Variants in RBFOX1 observed in about 807,000 individuals in gnomAD.
RBFOX1 encodes the protein RNA binding protein fox-1 homolog 1.
Under a neutral mutation model 57.7 loss-of-function variants are expected in RBFOX1, and 8 were observed. The ratio of observed to expected loss-of-function variants is 0.14; its 90% confidence interval spans 0.08 to 0.25. The LOEUF (loss-of-function observed/expected upper bound fraction) is 0.25. Among genes scored for constraint, RBFOX1 ranks in the 10% least tolerant of loss-of-function variants. RBFOX1 has a pLI of 1.00. For missense variants in RBFOX1, 611 were observed against 548.5 expected, an observed-to-expected ratio of 1.11 and a Z score of -1.14; for synonymous variants, 326 against 222.4, an observed-to-expected ratio of 1.47 and a Z score of -4.15.
Position 6,019,593 on chromosome 16 carries a change from A to C in RBFOX1, c.-526A>C, listed in dbSNP as rs1596418544. ...ACCCACGCGCGCGCCTCCGGGGCTG[A>C]AGAAGGAAGGAGTGAGCCGAGCCGA... is the stretch of plus-strand genomic sequence containing the variant. On this transcript the variant is annotated 5_prime_UTR_variant, in exon 1 of 16. Coordinates refer to ENST00000550418, the MANE Select transcript of RBFOX1 (RefSeq NM_018723.4). This position sits in a 1 kb window ranked among gnomAD's most constrained non-coding sequence, Gnocchi z 4.2. 8.3e-7 allele frequency: 1 copy of C among 1,199,642 alleles called. No homozygotes were observed. The highest frequency in any genetic ancestry group is 1.0e-6 in the Non-Finnish European group (1 of 966,988). The allele number at this position is 1,199,642 out of a possible 1,614,324, so 74.3% of individuals were successfully genotyped here. A position where few individuals can be genotyped will look rare whatever the true frequency, so the allele number is the denominator to read the frequency against.
intron 4 of RBFOX1, among the ~76,000 whole-genome samples, chr16:7,503,106 T>C (rs4787038): frequency 0.028 from 4,328 of 152,246 alleles, 218 homozygotes; most frequent in African/African-American, 0.099. Context: ...ATCTAGAATG[T>C]TTATTTTTCT....
chr16:7,044,526 A>C (rs989228565), intron 3 of RBFOX1, among the ~76,000 whole-genome samples: 1 of 152,200 alleles, frequency 6.6e-6, no homozygotes, highest in African/African-American at 2.4e-5. Context: ...AAAGGGTCTC[A>C]TGCTGAAGTT....
intron 4 of RBFOX1, among the ~76,000 whole-genome samples, chr16:7,278,621 C>G (rs989936385): frequency 1.3e-5 from 2 of 152,184 alleles, no homozygotes; most frequent in African/African-American, 4.8e-5. Context: ...ATCCTACATT[C>G]TCTATAACCA....
intron 4 of RBFOX1, among the ~76,000 whole-genome samples, chr16:5,999,815 C>T (rs749476585): frequency 2.9e-5 from 3 of 102,374 alleles, no homozygotes; most frequent in East Asian, 8.3e-4. Context: ...GAGCAGAGAT[C>T]GCAGATCGCA....
At chr16:7,534,464 C>T (rs1244267446) in intron 5 of RBFOX1, among the ~76,000 whole-genome samples, 2 of 152,054 alleles carry the variant, frequency 1.3e-5, no homozygotes, top group Non-Finnish European at 2.9e-5. Flanking sequence ...CAACTGATGC[C>T]TTTCTCTGAA....
chr16:7,518,791 G>A (rs935887583), intron 5 of RBFOX1, among the ~76,000 whole-genome samples: 2 of 152,194 alleles, frequency 1.3e-5, no homozygotes, highest in Non-Finnish European at 2.9e-5. Flanking sequence ...GGGAGGCCGA[G>A]ATGGGAGAGT....
chr16:6,982,701 A>G (rs573648438), intron 3 of RBFOX1, among the ~76,000 whole-genome samples: 4 of 152,298 alleles, frequency 2.6e-5, no homozygotes, highest in Admixed American at 1.3e-4. Context: ...ATTTTGAAAG[A>G]TGTGGAACTG....
Position 6,830,772 on chromosome 16 carries a change from C to T in RBFOX1, c.-16+176122C>T, listed in dbSNP as rs533100136. ...TCTGGTAATTTTAGGAGGATGACGT[C>T]CTCTGTTGAGATGGTAAGGGGTCGA... is the stretch of plus-strand genomic sequence containing the variant. On this transcript the variant is annotated intron_variant, in intron 3 of 15. Transcript: ENST00000550418. Among the ~76,000 whole-genome samples, 3 of 152,228 alleles carry T rather than the reference C, an allele frequency of 2.0e-5. No homozygotes were observed. In the South Asian group the frequency reaches 6.2e-4, roughly 32 times the overall value.
intron 2 of RBFOX1, among the ~76,000 whole-genome samples, chr16:6,459,874 C>A (rs542891698): frequency 6.6e-6 from 1 of 151,332 alleles, no homozygotes; most frequent in African/African-American, 2.4e-5. Flanking sequence ...ATCCCAGCTA[C>A]TTGGGAGGCT....
At chr16:7,353,065 C>T (rs1029707059) in intron 4 of RBFOX1, among the ~76,000 whole-genome samples, 7 of 152,122 alleles carry the variant, frequency 4.6e-5, no homozygotes, top group East Asian at 1.9e-4. Flanking sequence ...GCATGAGTTA[C>T]ATAGTGGAAC....
At chr16:7,184,084 G>A (rs551878489) in intron 4 of RBFOX1, among the ~76,000 whole-genome samples, 1 of 152,186 alleles carries the variant, frequency 6.6e-6, no homozygotes, top group African/African-American at 2.4e-5. Context: ...GGATTGGTGA[G>A]AAGAGCCTGG....
chr16:6,845,582 G>C (rs1328566043), intron 3 of RBFOX1, among the ~76,000 whole-genome samples: 1 of 152,116 alleles, frequency 6.6e-6, no homozygotes, highest in East Asian at 1.9e-4. Context: ...GGTTATTGTA[G>C]CCTTGTAGGT....
chr16:6,557,191 A>G (rs968908363), intron 2 of RBFOX1, among the ~76,000 whole-genome samples: 2 of 149,042 alleles, frequency 1.3e-5, no homozygotes, highest in African/African-American at 4.9e-5. Flanking sequence ...ATATATAATA[A>G]AAAAGTGGGA....
At chr16:6,937,489 A>G (rs896243593) in intron 3 of RBFOX1, among the ~76,000 whole-genome samples, 1 of 152,120 alleles carries the variant, frequency 6.6e-6, no homozygotes, top group African/African-American at 2.4e-5. Flanking sequence ...ATTTATTCTG[A>G]GTGACATAGG....
At chr16:5,985,405 T>G (rs548861949) in intron 4 of RBFOX1, among the ~76,000 whole-genome samples, 3 of 152,208 alleles carry the variant, frequency 2.0e-5, no homozygotes, top group South Asian at 4.1e-4. Context: ...CACAGTCCTG[T>G]AAGGTATAAT....
At chr16:6,303,392 G>A (rs1262479841) in intron 1 of RBFOX1, among the ~76,000 whole-genome samples, 1 of 151,808 alleles carries the variant, frequency 6.6e-6, no homozygotes, top group African/African-American at 2.4e-5. Context: ...TCTTTATGGT[G>A]TATTTTCTTT....
chr16:7,705,086 GCATCTCTT>G (rs1374389430), intron 14 of RBFOX1, among the ~76,000 whole-genome samples: 2 of 150,388 alleles, frequency 1.3e-5, no homozygotes, highest in East Asian at 2.0e-4. Flanking sequence ...AGAGAAAGAA[GCATCTCTT>G]CATCTCTCTA....
At chr16:6,832,430 T>C (rs1166672670) in intron 3 of RBFOX1, among the ~76,000 whole-genome samples, 1 of 152,196 alleles carries the variant, frequency 6.6e-6, no homozygotes, top group Non-Finnish European at 1.5e-5. Context: ...GCATTACTCA[T>C]ATTTGCGATG....
At chr16:5,955,047 G>A (rs1043894166) in intron 4 of RBFOX1, among the ~76,000 whole-genome samples, 6 of 145,148 alleles carry the variant, frequency 4.1e-5, no homozygotes, top group Middle Eastern at 3.6e-3. Flanking sequence ...TGCGGAGGCC[G>A]AAGCGGGTGG....
Sources: gnomAD v4.1 joint callset for allele counts (sites outside exome capture counted in the v4.1 genomes callset) on GRCh38, gnomAD v4.1.1 for gene constraint, Gnocchi (gnomAD v3.1) non-coding constraint, MANE v1.5 for transcripts, NCBI Gene and HGNC (gene_info 2026-07-23, HGNC 2026-07-21) for gene names.